The following ADGRF5 variants were observed in gnomAD, a reference collection of about 807,000 sequenced individuals.
ADGRF5 encodes the protein G-protein coupled receptor 116.
In ADGRF5, 75 loss-of-function variants were observed where a neutral mutation model predicts 132.3. The ratio of observed to expected loss-of-function variants is 0.57; its 90% CI spans 0.47 to 0.69. ADGRF5 has a LOEUF of 0.69. ADGRF5 is among the 30% of genes least tolerant of loss of function. ADGRF5 has a pLI of 0.00. For synonymous variants in ADGRF5, 629 were observed against 597.6 expected (o/e 1.05, Z -0.77); for missense variants, 1,516 against 1,630.6 (o/e 0.93, Z 1.21).
intron 6 of ADGRF5, among the ~76,000 whole-genome samples, chr6:46,883,186 G>A (rs958974210): frequency 3.3e-5 from 5 of 152,126 alleles, no homozygotes; most frequent in Non-Finnish European, 7.3e-5. Context: ...GCTCAGCCAC[G>A]GGTTGGTCTG....
chr6:46,874,669 T>C (rs550675300), intron 10 of ADGRF5, among the ~76,000 whole-genome samples: 2 of 152,296 alleles, frequency 1.3e-5, no homozygotes, highest in South Asian at 2.1e-4. Context: ...CCATACTCCT[T>C]GGAAAACTTG....
chr6:46,890,438 G>A (rs749789750), intron 3 of ADGRF5, among the ~76,000 whole-genome samples: 1 of 152,024 alleles, frequency 6.6e-6, no homozygotes, highest in Admixed American at 6.6e-5. Context: ...AAAAAGTAGG[G>A]CGGGCGCCAT....
At chr6:46,860,513 TAA>T (rs1453585903) in intron 16 of ADGRF5, among the ~76,000 whole-genome samples, 200 bp downstream of exon 16, 7 of 152,206 alleles carry the variant, frequency 4.6e-5, no homozygotes, top group African/African-American at 1.7e-4. Flanking sequence ...AGAGATTCAC[TAA>T]TAAATATTCT....
intron 2 of ADGRF5, among the ~76,000 whole-genome samples, chr6:46,901,739 G>A (rs1774789591): frequency 6.6e-6 from 1 of 151,644 alleles, no homozygotes; most frequent in Admixed American, 6.6e-5. Flanking sequence ...AACTGGCTTT[G>A]TCTCAGGGAG....
chr6:46,884,301 G>T (rs1421648544), intron 4 of ADGRF5, 30 bp from the exon 5 acceptor site: 1 of 1,528,714 alleles, frequency 6.5e-7, no homozygotes, highest in South Asian at 1.1e-5. Context: ...CAAGGAGAGA[G>T]AAGGTGGAGA....
chr6:46,953,619 A>AG (rs1239870568), intron 1 of ADGRF5, among the ~76,000 whole-genome samples: 1 of 15,300 alleles, frequency 6.5e-5, no homozygotes, highest in African/African-American at 1.9e-4. Context: ...ACAGTCTCAG[A>AG]AAAAAAAAAT....
At chr6:46,936,916 A>G (rs1189255735) in intron 1 of ADGRF5, among the ~76,000 whole-genome samples, 2 of 152,176 alleles carry the variant, frequency 1.3e-5, no homozygotes, top group East Asian at 1.9e-4. Context: ...CTCTAGCCAC[A>G]GATCCTGGGG....
chr6:46,881,380 T>A, intron 8 of ADGRF5, 75 bp downstream of exon 8: 1 of 1,307,434 alleles, frequency 7.6e-7, no homozygotes, highest in Non-Finnish European at 1.1e-6. Flanking sequence ...CCAGAGGACA[T>A]TGTAGCATAA....
chr6:46,929,753 C>T (rs186351493), intron 1 of ADGRF5, among the ~76,000 whole-genome samples: 1 of 152,068 alleles, frequency 6.6e-6, no homozygotes, highest in Admixed American at 6.5e-5. Context: ...AAATGGCATT[C>T]TAAATAAATT....
intron 1 of ADGRF5, chr6:46,909,060 C>T (rs1775678691): frequency 6.6e-6 from 1 of 152,030 alleles, no homozygotes; most frequent in Non-Finnish European, 1.5e-5. Context: ...TCGTATAAAC[C>T]TTCCAGCTCA....
chr6:46,907,227 C>T (rs567318462), intron 1 of ADGRF5, among the ~76,000 whole-genome samples: 4 of 152,184 alleles, frequency 2.6e-5, no homozygotes, highest in African/African-American at 9.6e-5. Flanking sequence ...GACTATGACC[C>T]ATTAGTATGA....
chr6:46,924,688 G>T (rs1777164493), upstream of ADGRF5, among the ~76,000 whole-genome samples: 1 of 152,072 alleles, frequency 6.6e-6, no homozygotes. Context: ...AACAGAACAT[G>T]TCCCAAACTA....
chr6:46,926,889 A>T (rs1332709397), upstream of ADGRF5, among the ~76,000 whole-genome samples: 3 of 152,064 alleles, frequency 2.0e-5, no homozygotes, highest in Non-Finnish European at 4.4e-5. Context: ...TACACATGTC[A>T]TTTTGTCCAT....
intron 10 of ADGRF5, among the ~76,000 whole-genome samples, chr6:46,875,725 C>A (rs1280281137): frequency 1.3e-5 from 2 of 152,046 alleles, no homozygotes; most frequent in African/African-American, 4.8e-5. Flanking sequence ...TGCAGTGAGT[C>A]GAGATTGCGC....
At chr6:46,902,560 G>C (rs766732012) in intron 2 of ADGRF5, among the ~76,000 whole-genome samples, 2 of 152,208 alleles carry the variant, frequency 1.3e-5, no homozygotes, top group Non-Finnish European at 1.5e-5. Flanking sequence ...TAGGTCTGGG[G>C]TGAGGTGCAG....
At chr6:46,856,168 T>C in intron 19 of ADGRF5, 110 bp from the exon 20 acceptor site, 1 of 659,526 alleles carries the variant, frequency 1.5e-6, no homozygotes, top group Non-Finnish European at 2.8e-6. Context: ...TGCCGGAATC[T>C]CTAGTCCCAC....
Position 46,872,016 on chromosome 6 carries a change from A to G in ADGRF5, c.1241-3T>C, listed in dbSNP as rs771016790. The stretch of plus-strand genomic sequence containing the variant: ...ATCTATGTCTGTCTCAGGGGTTCCT[A>G]TAATGAGAAGCAAATTGTTGCCATC... On this transcript the variant is annotated splice_polypyrimidine_tract_variant and splice_region_variant and intron_variant, in intron 10 of 20. Transcript: ENST00000283296. 6.3e-7 allele frequency: 1 copy of G among 1,578,302 alleles called. No homozygotes were observed. Among genetic ancestry groups the G allele is most frequent in the East Asian group, 2.3e-5 (1 of 44,124 alleles).
intron 2 of ADGRF5, 67 bp downstream of exon 2, chr6:46,906,594 C>A (rs945049564): frequency 1.2e-6 from 1 of 846,364 alleles, no homozygotes; most frequent in East Asian, 2.5e-5. Context: ...TTTGTAAGAA[C>A]CATTGTCAGT....
At chr6:46,883,166 G>A (rs220664) in intron 6 of ADGRF5, among the ~76,000 whole-genome samples, 137,513 of 152,228 alleles carry the variant, frequency 0.9, 62,323 homozygotes, top group African/African-American at 0.97. Flanking sequence ...AGTGGTTTGA[G>A]ACCCTCTGTG....
Sources: gnomAD v4.1 joint callset for allele counts (sites outside exome capture counted in the v4.1 genomes callset) on GRCh38, gnomAD v4.1.1 for gene constraint, MANE v1.5 for transcripts, NCBI Gene and HGNC (gene_info 2026-07-23, HGNC 2026-07-21) for gene names.